The following GLRB variants were observed in gnomAD, a reference collection of about 807,000 sequenced individuals.
The protein encoded by GLRB is glycine receptor subunit beta.
Under a neutral mutation model 54.2 loss-of-function variants are expected in GLRB, and 33 were observed. The observed-to-expected ratio is 0.61, with a 90% CI of 0.46 to 0.81. The LOEUF is 0.81. GLRB is among the 40% of genes least tolerant of loss of function. GLRB has a pLI of 0.00. For synonymous variants in GLRB, 209 were observed against 208.2 expected, an observed-to-expected ratio of 1.00 and a Z score of -0.03; for missense variants, 572 against 584.6, an observed-to-expected ratio of 0.98 and a Z score of 0.22.
intron 4 of GLRB, among the ~76,000 whole-genome samples, chr4:157,130,301 C>T (rs551367192): frequency 6.6e-6 from 1 of 151,454 alleles, no homozygotes. Flanking sequence ...TGTTTTTGTA[C>T]TTGACCTTCT....
intron 8 of GLRB, among the ~76,000 whole-genome samples, chr4:157,147,707 T>C (rs910881530): frequency 6.6e-6 from 1 of 151,742 alleles, no homozygotes; most frequent in Non-Finnish European, 1.5e-5. Context: ...GAAGAGGGGA[T>C]GAGATCCAGG....
intron 2 of GLRB, among the ~76,000 whole-genome samples, chr4:157,112,069 T>C (rs1735439030): frequency 6.6e-6 from 1 of 150,732 alleles, no homozygotes; most frequent in South Asian, 2.1e-4. Context: ...ACATTTCAAT[T>C]CCATGTCTTT....
At position 157,171,899 on chromosome 4, in the gene GLRB, A is replaced by G. The variant is rs1737936206; in HGVS notation, c.*1171A>G. On this transcript the variant is annotated 3_prime_UTR_variant, in exon 10 of 10. Transcript: ENST00000264428. ...AAAAGTAAGCACTAAGTCTCATTTT[A>G]TGAGACCACCATTTCTTAATATCAC... 6.6e-6 allele frequency: 1 copy of G among 151,952 alleles called. No individual in the cohort carries two copies. Among genetic ancestry groups the G allele is most frequent in the Middle Eastern group, 3.4e-3 (1 of 294 alleles). 9.4% of individuals were successfully genotyped at this position (151,952 alleles called of 1,614,324 possible).
Position 157,086,730 on chromosome 4 carries a change from G to C in GLRB, c.122+8584G>C, listed in dbSNP as rs75509107. On this transcript the variant is annotated intron_variant, in intron 2 of 9. Coordinates refer to ENST00000264428, the MANE Select transcript of GLRB (RefSeq NM_000824.5). ...AAAGGAAAATATAGAACTGTCAAAAGAGAAAATGGGTTTCCTTAGGAGCTT... is the reference window on the plus strand; with the variant it reads ...AAAGGAAAATATAGAACTGTCAAAACAGAAAATGGGTTTCCTTAGGAGCTT... 8.5e-3 allele frequency among the ~76,000 whole-genome samples: 1,296 copies of C among 152,270 alleles called. 20 individuals carry two copies. The highest frequency in any genetic ancestry group is 0.03 in the African/African-American group (1,250 of 41,558).
At chr4:157,120,882 T>G (rs570386956) in intron 3 of GLRB, among the ~76,000 whole-genome samples, 5 of 151,766 alleles carry the variant, frequency 3.3e-5, no homozygotes, top group African/African-American at 1.2e-4. Context: ...AGGTTACCTG[T>G]TTTTAAAAAT....
intron 9 of GLRB, among the ~76,000 whole-genome samples, chr4:157,162,398 T>A (rs907510389): frequency 1.4e-4 from 22 of 152,236 alleles, no homozygotes; most frequent in Non-Finnish European, 2.6e-4. Flanking sequence ...TGCATTTCTT[T>A]GGAGGAGAAG....
At chr4:157,077,203 T>C (rs1050938013) in intron 1 of GLRB, among the ~76,000 whole-genome samples, 11 of 152,178 alleles carry the variant, frequency 7.2e-5, no homozygotes, top group Non-Finnish European at 1.6e-4. Flanking sequence ...GGCAAGAATA[T>C]GGTTCTGATT....
At chr4:157,141,689 A>G (rs1736617416) in intron 7 of GLRB, among the ~76,000 whole-genome samples, 1 of 152,048 alleles carries the variant, frequency 6.6e-6, no homozygotes, top group Non-Finnish European at 1.5e-5. Context: ...ATAAATGTTA[A>G]TAATACTAGG....
chr4:157,143,367 T>C (rs949505285), intron 7 of GLRB, among the ~76,000 whole-genome samples: 7 of 151,984 alleles, frequency 4.6e-5, no homozygotes, highest in Non-Finnish European at 1.0e-4. Context: ...GTGGTACATA[T>C]GGCTGAAAAA....
chr4:157,094,011 G>A (rs1482453968), intron 2 of GLRB, among the ~76,000 whole-genome samples: 1 of 152,086 alleles, frequency 6.6e-6, no homozygotes, highest in Non-Finnish European at 1.5e-5. Context: ...ATCTGTCTAT[G>A]CATGTGTTTG....
chr4:157,166,628 A>C (rs1278222326), intron 9 of GLRB, among the ~76,000 whole-genome samples: 1 of 151,978 alleles, frequency 6.6e-6, no homozygotes, highest in Non-Finnish European at 1.5e-5. Context: ...GGTTCCGTCC[A>C]CCCCACATGT....
chr4:157,077,381 T>G (rs577750949), intron 1 of GLRB, among the ~76,000 whole-genome samples: 1 of 152,104 alleles, frequency 6.6e-6, no homozygotes, highest in Non-Finnish European at 1.5e-5. Flanking sequence ...GGCACCTTTT[T>G]GGGGCAAAAA....
At chr4:157,076,617 A>T (rs1414549227) in intron 1 of GLRB, 2 of 152,076 alleles carry the variant, frequency 1.3e-5, no homozygotes, top group African/African-American at 4.8e-5. Context: ...GTTTATGAGG[A>T]TCCTCCAGTC....
At chr4:157,082,556 G>A (rs1327876414) in intron 2 of GLRB, among the ~76,000 whole-genome samples, 1 of 152,152 alleles carries the variant, frequency 6.6e-6, no homozygotes, top group East Asian at 1.9e-4. Context: ...GAAATTGACT[G>A]ATATGATCCC....
At chr4:157,110,968 T>C (rs1280159630) in intron 2 of GLRB, among the ~76,000 whole-genome samples, 1 of 152,028 alleles carries the variant, frequency 6.6e-6, no homozygotes, top group African/African-American at 2.4e-5. Flanking sequence ...GATCCATCTC[T>C]TTTCCTTCCC....
At chr4:157,104,722 C>G (rs918844065) in intron 2 of GLRB, among the ~76,000 whole-genome samples, 6 of 151,932 alleles carry the variant, frequency 3.9e-5, no homozygotes, top group Non-Finnish European at 8.8e-5. Context: ...ATTACTGATT[C>G]AATCCCTTTA....
Position 157,076,161 on chromosome 4 carries a change from C to T in GLRB, c.-166C>T, listed in dbSNP as rs929040565. ...TCCGCGGCCCGAGCAGGCGCGTCAG[C>T]CGAGCTCGGCGGTGGCGCGGGCGGC... is the stretch of plus-strand genomic sequence containing the variant. On this transcript the variant is annotated 5_prime_UTR_variant, in exon 1 of 10. Transcript: ENST00000264428. 6.7e-6 allele frequency: 1 copy of T among 149,458 alleles called. No homozygotes were observed. Among genetic ancestry groups the T allele is most frequent in the African/African-American group, 2.4e-5 (1 of 41,072 alleles). The allele number at this position is 149,458 out of a possible 1,614,324, so 9.3% of individuals were successfully genotyped here.
At chr4:157,165,060 T>A (rs1737658447) in intron 9 of GLRB, among the ~76,000 whole-genome samples, 1 of 152,098 alleles carries the variant, frequency 6.6e-6, no homozygotes. Context: ...CCAGAAATTT[T>A]AATCTTTAGA....
intron 9 of GLRB, among the ~76,000 whole-genome samples, chr4:157,158,930 C>T (rs1324798720): frequency 6.6e-6 from 1 of 152,124 alleles, no homozygotes; most frequent in East Asian, 1.9e-4. Flanking sequence ...GCAGTATAGC[C>T]ATTTTCACGA....
Sources: gnomAD v4.1 joint callset for allele counts (sites outside exome capture counted in the v4.1 genomes callset) on GRCh38, gnomAD v4.1.1 for gene constraint, MANE v1.5 for transcripts, NCBI Gene and HGNC (gene_info 2026-07-23, HGNC 2026-07-21) for gene names.